The following FNDC3B variants were observed in gnomAD, a reference collection of about 807,000 sequenced individuals.
FNDC3B encodes fibronectin type III domain-containing protein 3B.
FNDC3B carries 12 observed loss-of-function variants against 151.5 expected under a neutral mutation model. The ratio of observed to expected loss-of-function variants is 0.08; its 90% CI spans 0.05 to 0.13. FNDC3B has a LOEUF of 0.13. Ranked by LOEUF, FNDC3B falls within the 10% of genes least tolerant of loss-of-function variation. FNDC3B has a pLI of 1.00. For synonymous variants in FNDC3B, 528 were observed against 549.0 expected, an observed-to-expected ratio of 0.96 and a Z score of 0.54; for missense variants, 1,214 against 1,505.3, an observed-to-expected ratio of 0.81 and a Z score of 3.20.
intron 11 of FNDC3B, among the ~76,000 whole-genome samples, chr3:172,314,837 G>A (rs934728559): frequency 1.3e-5 from 2 of 152,166 alleles, no homozygotes; most frequent in African/African-American, 4.8e-5. Context: ...CCCTAATGGG[G>A]AGCAGAAAAC....
chr3:172,348,835 T>TA (rs2108318752), intron 21 of FNDC3B, among the ~76,000 whole-genome samples: 1 of 152,340 alleles, frequency 6.6e-6, no homozygotes, highest in South Asian at 2.1e-4. Context: ...GTACTACTTT[T>TA]AAGATTACCA....
intron 3 of FNDC3B, among the ~76,000 whole-genome samples, chr3:172,213,817 C>T (rs1725844131): frequency 6.6e-6 from 1 of 152,186 alleles, no homozygotes; most frequent in South Asian, 2.1e-4. Flanking sequence ...TCAGGATAAA[C>T]AGCAGTGAAT....
intron 3 of FNDC3B, among the ~76,000 whole-genome samples, chr3:172,155,017 G>T (rs935022089): frequency 1.3e-5 from 2 of 151,984 alleles, no homozygotes; most frequent in Non-Finnish European, 2.9e-5. Context: ...TGAGGTCACT[G>T]GGGGGCGGCA....
chr3:172,374,927 T>C (rs145606045), intron 23 of FNDC3B, among the ~76,000 whole-genome samples: 1 of 152,360 alleles, frequency 6.6e-6, no homozygotes, highest in East Asian at 1.9e-4. Flanking sequence ...TATTTTCTTA[T>C]GTATTTAATG....
intron 3 of FNDC3B, among the ~76,000 whole-genome samples, chr3:172,205,886 T>G (rs1329434233): frequency 2.6e-5 from 4 of 152,214 alleles, no homozygotes; most frequent in African/African-American, 9.6e-5. Flanking sequence ...GTCTAGTAGA[T>G]AGGGCTGGGT....
chr3:172,331,281 C>T (rs1016968068), intron 13 of FNDC3B, among the ~76,000 whole-genome samples: 3 of 152,178 alleles, frequency 2.0e-5, no homozygotes, highest in African/African-American at 7.2e-5. Context: ...CCACAAGGTC[C>T]TGTGTGATTG....
intron 6 of FNDC3B, among the ~76,000 whole-genome samples, chr3:172,263,916 G>A (rs1728790064): frequency 6.6e-6 from 1 of 152,174 alleles, no homozygotes; most frequent in South Asian, 2.1e-4. Context: ...AGAATCAGTA[G>A]GATTTCCTGA....
At chr3:172,316,000 C>CTTTTTTTTTTTT (rs555242809) in intron 11 of FNDC3B, among the ~76,000 whole-genome samples, 3 of 79,882 alleles carry the variant, frequency 3.8e-5, no homozygotes, top group East Asian at 4.1e-4. Flanking sequence ...CTTTCTTCTT[C>CTTTTTTTTTTTT]TTTTTTTTTT....
intron 1 of FNDC3B, among the ~76,000 whole-genome samples, chr3:172,042,861 C>T (rs908517075): frequency 1.0e-4 from 15 of 147,826 alleles, no homozygotes; most frequent in Admixed American, 4.1e-4. Context: ...AATGGAGTCT[C>T]GCTCTGTCGC....
At chr3:172,329,107 A>G (rs369740046) in intron 12 of FNDC3B, 31 bp downstream of exon 12, 6 of 1,587,992 alleles carry the variant, frequency 3.8e-6, no homozygotes, top group East Asian at 2.3e-5. Context: ...CTTGCCCTTC[A>G]GCCTTTGGAT....
At position 172,239,856 on chromosome 3, in the gene FNDC3B, C is replaced by CTTTTTTTT. The variant is rs71179981; in HGVS notation, c.265-7654_265-7647dup. ...TGTTTTTAGGAGATCCATTTTAGTT[C>CTTTTTTTT]TTTTTTTTTTTTTTTTTTTTTTTTT... On this transcript the variant is annotated intron_variant, in intron 4 of 25. Transcript: ENST00000415807. 3.6e-3 allele frequency among the ~76,000 whole-genome samples: 179 copies of CTTTTTTTT among 49,938 alleles called. 27 individuals carry two copies. Among genetic ancestry groups the CTTTTTTTT allele is most frequent in the African/African-American group, 6.8e-3 (90 of 13,326 alleles). The allele number at this position is 49,938 out of a possible 152,430, so 32.8% of individuals were successfully genotyped here.
At chr3:172,285,473 GTAAACAAGTAAAAACAAGTAAA>G (rs1729963558) in intron 6 of FNDC3B, among the ~76,000 whole-genome samples, 1 of 152,202 alleles carries the variant, frequency 6.6e-6, no homozygotes, top group Non-Finnish European at 1.5e-5. Context: ...GTGAACTTAA[GTAAACAAGTAAAAACAAGTAAA>G]TAAACAAGTA....
chr3:172,340,241 T>C (rs1383863010), intron 16 of FNDC3B, among the ~76,000 whole-genome samples: 1 of 151,960 alleles, frequency 6.6e-6, no homozygotes, highest in African/African-American at 2.4e-5. Context: ...ACTTGGGTCA[T>C]GCCACATTTG....
intron 24 of FNDC3B, among the ~76,000 whole-genome samples, chr3:172,380,655 G>C (rs1472948678): frequency 6.6e-6 from 1 of 152,166 alleles, no homozygotes; most frequent in East Asian, 1.9e-4. Flanking sequence ...AGAATACCTA[G>C]GACAGGGCCT....
At chr3:172,055,180 G>A (rs1334235371) in intron 1 of FNDC3B, among the ~76,000 whole-genome samples, 3 of 152,178 alleles carry the variant, frequency 2.0e-5, no homozygotes, top group Non-Finnish European at 2.9e-5. Flanking sequence ...TTAAAGTGAA[G>A]TGGGAGGAGA....
At chr3:172,144,004 T>C (rs1303515028) in intron 3 of FNDC3B, among the ~76,000 whole-genome samples, 4 of 152,112 alleles carry the variant, frequency 2.6e-5, no homozygotes, top group Non-Finnish European at 1.5e-5. Flanking sequence ...TGTAAAGAAA[T>C]ACTTGAGACT....
intron 22 of FNDC3B, among the ~76,000 whole-genome samples, chr3:172,359,721 A>G (rs1576944930): frequency 6.6e-6 from 1 of 152,214 alleles, no homozygotes; most frequent in Non-Finnish European, 1.5e-5. Flanking sequence ...AAGCAATCTT[A>G]TAAGACTCAT....
intron 1 of FNDC3B, among the ~76,000 whole-genome samples, chr3:172,094,060 A>G (rs1438118198): frequency 2.1e-5 from 3 of 146,326 alleles, no homozygotes; most frequent in East Asian, 2.0e-4. Context: ...ATTCTAGAAC[A>G]TCGGCATTGT....
At chr3:172,194,856 G>T (rs1446553277) in intron 3 of FNDC3B, among the ~76,000 whole-genome samples, 1 of 152,144 alleles carries the variant, frequency 6.6e-6, no homozygotes. Context: ...ATGGTGAATG[G>T]TTACTGTGAC....
Sources: allele counts gnomAD v4.1 joint callset (sites outside exome capture counted in the v4.1 genomes callset), GRCh38; gene constraint gnomAD v4.1.1; transcripts MANE v1.5; gene names NCBI Gene and HGNC (gene_info 2026-07-23, HGNC 2026-07-21).